Variants in IL1RN observed in about 807,000 individuals in gnomAD.
IL1RN encodes the protein interleukin 1 receptor antagonist.
In IL1RN, 10 loss-of-function variants were observed where a neutral mutation model predicts 13.7. The ratio of observed to expected loss-of-function variants is 0.73; its 90% confidence interval spans 0.45 to 1.24. The LOEUF (loss-of-function observed/expected upper bound fraction) is 1.24. Among genes scored for constraint, IL1RN ranks in the 50% most tolerant of loss-of-function variants. The probability of loss-of-function intolerance (pLI) is 0.00; values close to 1 mark genes in which losing one functional copy is unlikely to be tolerated. For missense variants in IL1RN, 213 were observed against 222.1 expected (o/e 0.96, Z 0.26); for synonymous variants, 102 against 82.7 (o/e 1.23, Z -1.27).
In IL1RN at chr2:113,119,947, G is replaced by C. The variant is rs1296876157; in HGVS notation, c.11-119G>C. 7 of 808,984 alleles carry C rather than the reference G, an allele frequency of 8.7e-6. No homozygotes were observed. The South Asian group carries it at 1.0e-4, about 12-fold the overall frequency. 50.1% of individuals were successfully genotyped at this position (808,984 alleles called of 1,614,324 possible). A position where few individuals can be genotyped will look rare whatever the true frequency, so the allele number is the denominator to read the frequency against. On this transcript the variant is annotated intron_variant, in intron 1 of 5. Transcript: ENST00000259206. ...TGGAAACTGGAAGGGTGAGAACAGA[G>C]GGTAAAGGATAGAGATGGAACCATG...
chr2:113,121,019 TCC>T (rs1202300495), intron 2 of IL1RN, among the ~76,000 whole-genome samples: 1 of 101,720 alleles, frequency 9.8e-6, no homozygotes, highest in African/African-American at 3.3e-5. Context: ...CTCCTCCTTC[TCC>T]TCTTCTTCTT....
At chr2:113,117,957 A>C in exon 1 of IL1RN, 1 of 994,220 alleles carries the variant, frequency 1.0e-6, no homozygotes, top group East Asian at 2.4e-5. Flanking sequence ...TATGGGCAGC[A>C]GCTCAGTTGA....
intron 2 of IL1RN, chr2:113,120,280 T>A: frequency 1.4e-6 from 1 of 722,820 alleles, no homozygotes; most frequent in Non-Finnish European, 2.5e-6. Context: ...ATATCTGCAA[T>A]GGTTTATTTT....
chr2:113,103,550 C>G (rs1321190685), upstream of IL1RN, among the ~76,000 whole-genome samples: 1 of 152,160 alleles, frequency 6.6e-6, no homozygotes, highest in African/African-American at 2.4e-5. Flanking sequence ...GGATTCTCCC[C>G]CAGAGTCCAG....
At chr2:113,123,060 G>C (rs1159650710), upstream of IL1RN, among the ~76,000 whole-genome samples, 1 of 152,182 alleles carries the variant, frequency 6.6e-6, no homozygotes, top group Non-Finnish European at 1.5e-5. Flanking sequence ...GGGAGGCGGA[G>C]GTTGCGGTGA....
intron 1 of IL1RN, among the ~76,000 whole-genome samples, chr2:113,118,484 T>C (rs1686655403): frequency 7.1e-5 from 1 of 14,142 alleles, no homozygotes; most frequent in Admixed American, 1.5e-3. Flanking sequence ...ATTAAGGGCT[T>C]GGCACAGTCA....
At chr2:113,113,520 A>C (rs1488458740), upstream of IL1RN, among the ~76,000 whole-genome samples, 2 of 152,332 alleles carry the variant, frequency 1.3e-5, no homozygotes, top group Non-Finnish European at 1.5e-5. Flanking sequence ...AGTACCTATA[A>C]GTAACAATAC....
At chr2:113,120,970 TTCTTCTTCTTCTTCCTCCCCCTTCTCC>T in intron 2 of IL1RN, among the ~76,000 whole-genome samples, 2 of 152,016 alleles carry the variant, frequency 1.3e-5, no homozygotes, top group African/African-American at 4.8e-5. Context: ...TTTCTTCTTC[TTCTTCTTCTTCTTCCTCCCCCTTCTCC>T]TCTTCTTCTT....
At chr2:113,109,880 G>T (rs998443445), upstream of IL1RN, among the ~76,000 whole-genome samples, 30 of 152,116 alleles carry the variant, frequency 2.0e-4, no homozygotes, top group Admixed American at 2.0e-3. Flanking sequence ...TGACCAAGGT[G>T]CTGTCTTCAT....
chr2:113,132,557 G>A (rs1219556957), intron 3 of IL1RN, 99 bp from the exon 4 acceptor site: 1 of 1,090,942 alleles, frequency 9.2e-7, no homozygotes, highest in African/African-American at 1.6e-5. Flanking sequence ...TACTAACTCT[G>A]GGCTGTCCAG....
At chr2:113,131,603 C>T (rs1367001009) in intron 3 of IL1RN, among the ~76,000 whole-genome samples, 7 of 152,152 alleles carry the variant, frequency 4.6e-5, no homozygotes, top group African/African-American at 1.4e-4. Flanking sequence ...GGGGCCACCA[C>T]TGTAACCATC....
the IL1RN span, among the ~76,000 whole-genome samples, chr2:113,101,955 CAG>C: frequency 2.0e-5 from 3 of 151,994 alleles, no homozygotes; most frequent in African/African-American, 7.3e-5. Context: ...TTAGTAGAGA[CAG>C]GGTTTCTCCA....
chr2:113,115,674 A>T (rs879651478), upstream of IL1RN: 1 of 152,172 alleles, frequency 6.6e-6, no homozygotes, highest in Admixed American at 6.5e-5. Context: ...CATCTCTGGG[A>T]TGTTGGGCTC....
intron 3 of IL1RN, 69 bp from the exon 4 acceptor site, chr2:113,132,587 G>A (rs1316627868): frequency 1.3e-5 from 18 of 1,393,844 alleles, no homozygotes; most frequent in Non-Finnish European, 1.7e-5. Context: ...TCATGGCGTG[G>A]AGTGGAGAGG....
upstream of IL1RN, among the ~76,000 whole-genome samples, chr2:113,106,986 G>A (rs923580207): frequency 6.6e-6 from 1 of 152,108 alleles, no homozygotes; most frequent in Non-Finnish European, 1.5e-5. Flanking sequence ...TATAGTTAAA[G>A]AAAACTATTG....
Position 113,132,959 on chromosome 2 carries a change from G to C in IL1RN, c.*88G>C, listed in dbSNP as rs1018916924. On this transcript the variant is annotated 3_prime_UTR_variant, in exon 4 of 4. Coordinates refer to ENST00000409930, the MANE Select transcript of IL1RN (RefSeq NM_173842.3). ...CCTGCCCCAGGGCTCCCGGCTATGG[G>C]GGCACTGAGGACCAGCCATTGAGGG... 8.6e-6 allele frequency: 11 copies of C among 1,282,088 alleles called. No individual in the cohort carries two copies. Among genetic ancestry groups the C allele is most frequent in the Non-Finnish European group, 1.2e-5 (11 of 882,032 alleles). The allele number at this position is 1,282,088 out of a possible 1,614,324, so 79.4% of individuals were successfully genotyped here.
chr2:113,120,534 A>C (rs1477219889), intron 2 of IL1RN, among the ~76,000 whole-genome samples: 1 of 152,186 alleles, frequency 6.6e-6, no homozygotes, highest in Non-Finnish European at 1.5e-5. Context: ...GAATAATCCA[A>C]TTATCTGAGT....
upstream of IL1RN, among the ~76,000 whole-genome samples, chr2:113,117,339 C>T (rs1242056427): frequency 3.9e-5 from 6 of 152,206 alleles, no homozygotes; most frequent in Admixed American, 2.6e-4. Context: ...GAATATTCTT[C>T]CCCTTCCTTG....
chr2:113,117,871 C>G, upstream of IL1RN: 1 of 764,088 alleles, frequency 1.3e-6, no homozygotes. Flanking sequence ...TCCTTGTACT[C>G]TCTGAGGTGC....
Sources: allele counts gnomAD v4.1 joint callset (sites outside exome capture counted in the v4.1 genomes callset), GRCh38; gene constraint gnomAD v4.1.1; transcripts MANE v1.5; gene names NCBI Gene and HGNC (gene_info 2026-07-23, HGNC 2026-07-21).